RO60: variants seen among roughly 807,000 people sequenced by gnomAD.
The protein encoded by RO60 is RNA-binding protein RO60.
Under a neutral mutation model 55.3 loss-of-function variants are expected in RO60, and 20 were observed. The ratio of observed to expected loss-of-function variants is 0.36; its 90% CI spans 0.25 to 0.53. The LOEUF (loss-of-function observed/expected upper bound fraction) is 0.53, where lower values mean the gene tolerates loss of function less well. Ranked by LOEUF, RO60 falls within the 20% of genes least tolerant of loss-of-function variation. The probability of loss-of-function intolerance (pLI) is 0.92; values close to 1 mark genes in which losing one functional copy is unlikely to be tolerated. For missense variants in RO60, 558 were observed against 646.6 expected (o/e 0.86, Z 1.49); for synonymous variants, 213 against 213.6 (o/e 1.00, Z 0.02).
Position 193,065,414 on chromosome 1 carries a change from T to A in RO60, c.-21-3620T>A, listed in dbSNP as rs999503640. On this transcript the variant is annotated intron_variant, in intron 1 of 8. Coordinates refer to ENST00000400968, the MANE Select transcript of RO60 (RefSeq NM_001173524.2). ...CCTTGGTGCAGGAAAGCAAGTTTAG[T>A]AGAATTATCTGATATTAGATGTCAT... Among the ~76,000 whole-genome samples the A allele has an allele frequency of 3.9e-5, 6 of 152,214 alleles. No homozygotes were observed. The East Asian group carries it at 1.2e-3, about 29-fold the overall frequency.
chr1:193,091,517 C>A (rs2103093970), downstream of RO60: 1 of 736,634 alleles, frequency 1.4e-6, no homozygotes, highest in South Asian at 1.7e-5. Flanking sequence ...CAAGTTTTCA[C>A]TGTAAATAAT....
downstream of RO60, chr1:193,091,602 G>C (rs746178412): frequency 1.3e-6 from 2 of 1,484,936 alleles, no homozygotes; most frequent in East Asian, 4.6e-5. Context: ...TTTGTTTCAT[G>C]ATAAAACAGT....
chr1:193,071,178 A>C (rs1558240378), intron 2 of RO60, among the ~76,000 whole-genome samples: 1 of 152,110 alleles, frequency 6.6e-6, no homozygotes, highest in Non-Finnish European at 1.5e-5. Context: ...ATGCCCAGCT[A>C]CTGATCTGAC....
chr1:193,061,259 G>A (rs575642296), intron 1 of RO60, among the ~76,000 whole-genome samples: 4 of 152,146 alleles, frequency 2.6e-5, no homozygotes, highest in Non-Finnish European at 4.4e-5. Context: ...AGTTTTTATA[G>A]CATCACATTG....
chr1:193,060,753 T>C (rs561222703), intron 1 of RO60, among the ~76,000 whole-genome samples: 122 of 152,330 alleles, frequency 8.0e-4, no homozygotes, highest in African/African-American at 2.9e-3. Flanking sequence ...TTTGTAACTT[T>C]CTTGAAGTTT....
chr1:193,079,086 T>C (rs1040979199), intron 5 of RO60, among the ~76,000 whole-genome samples: 7 of 144,252 alleles, frequency 4.9e-5, no homozygotes, highest in African/African-American at 1.8e-4. Flanking sequence ...GTTGACTTTT[T>C]TTTTTTTTTT....
intron 1 of RO60, among the ~76,000 whole-genome samples, chr1:193,063,116 T>C (rs1239710344): frequency 6.6e-6 from 1 of 152,256 alleles, no homozygotes; most frequent in African/African-American, 2.4e-5. Context: ...TTTTCCAAAG[T>C]GGCTGTATGA....
At chr1:193,069,004 A>G in intron 1 of RO60, 30 bp from the exon 2 acceptor site, 1 of 1,429,110 alleles carries the variant, frequency 7.0e-7, no homozygotes, top group South Asian at 1.3e-5. Context: ...GTGCCCATCT[A>G]GTTGTAATAA....
intron 1 of RO60, chr1:193,060,200 G>A: frequency 1.1e-6 from 1 of 924,276 alleles, no homozygotes; most frequent in Non-Finnish European, 1.4e-6. Flanking sequence ...TATCACAGAG[G>A]AATAACGAGG....
intron 2 of RO60, among the ~76,000 whole-genome samples, 183 bp from the exon 3 acceptor site, chr1:193,075,637 A>C (rs546209387): frequency 1.3e-5 from 2 of 152,280 alleles, no homozygotes; most frequent in African/African-American, 4.8e-5. Context: ...GTAATGATGG[A>C]ATAAGAAAAT....
intron 3 of RO60, among the ~76,000 whole-genome samples, chr1:193,076,273 AT>A (rs1056084908): frequency 2.6e-5 from 4 of 152,130 alleles, no homozygotes; most frequent in Non-Finnish European, 4.4e-5. Context: ...TAAAAAAAAA[AT>A]CATCTATGCA....
intron 1 of RO60, chr1:193,060,250 G>A (rs1366926018): frequency 4.3e-6 from 2 of 463,290 alleles, no homozygotes; most frequent in Non-Finnish European, 7.0e-6. Context: ...CTAGACTAGT[G>A]GAAGGGGATG....
chr1:193,085,225 AAACT>A lies in RO60; in HGVS notation c.*497_*500del, dbSNP rs1381118615. 2 of 1,176,540 alleles carry A rather than the reference AAACT, an allele frequency of 1.7e-6. No individual in the cohort carries two copies. The highest frequency in any genetic ancestry group is 3.1e-5 in the African/African-American group (2 of 63,728). The allele number at this position is 1,176,540 out of a possible 1,614,324, so 72.9% of individuals were successfully genotyped here. ...TTTTATACCAAGGGGGTAAAAAAAA[AAACT>A]AAGGCATTTGATTAAATTATGAATG... is the stretch of plus-strand genomic sequence containing the variant. On this transcript the variant is annotated 3_prime_UTR_variant, in exon 9 of 9. Coordinates refer to ENST00000400968, the MANE Select transcript of RO60 (RefSeq NM_001173524.2).
chr1:193,082,793 C>CT, intron 8 of RO60, 85 bp downstream of exon 8: 1 of 1,183,468 alleles, frequency 8.4e-7, no homozygotes, highest in Non-Finnish European at 1.2e-6. Context: ...GAGACAGGAC[C>CT]TCATTCTGTT....
chr1:193,080,469 G>A (rs1674232337), intron 5 of RO60, among the ~76,000 whole-genome samples: 1 of 152,206 alleles, frequency 6.6e-6, no homozygotes, highest in Non-Finnish European at 1.5e-5. Context: ...TATACCAGTA[G>A]TCACAGTAGC....
intron 2 of RO60, among the ~76,000 whole-genome samples, chr1:193,070,398 G>C (rs568063528): frequency 2.0e-5 from 3 of 152,328 alleles, no homozygotes; most frequent in Admixed American, 2.0e-4. Flanking sequence ...TCTATGGAAA[G>C]AGACTTTTGA....
At chr1:193,060,252 A>T in intron 1 of RO60, 1 of 459,738 alleles carries the variant, frequency 2.2e-6, no homozygotes, top group South Asian at 2.3e-5. Flanking sequence ...AGACTAGTGG[A>T]AGGGGATGCG....
chr1:193,083,526 T>G (rs1674460876), intron 8 of RO60, among the ~76,000 whole-genome samples: 1 of 152,126 alleles, frequency 6.6e-6, no homozygotes, highest in Non-Finnish European at 1.5e-5. Context: ...TGACTAGAAG[T>G]AGAAATAGAA....
At chr1:193,075,446 T>C (rs992839640) in intron 2 of RO60, among the ~76,000 whole-genome samples, 2 of 151,622 alleles carry the variant, frequency 1.3e-5, no homozygotes, top group Non-Finnish European at 2.9e-5. Flanking sequence ...TAATATAATA[T>C]AATACATTAC....
Sources: allele counts gnomAD v4.1 joint callset (sites outside exome capture counted in the v4.1 genomes callset), GRCh38; gene constraint gnomAD v4.1.1; transcripts MANE v1.5; gene names NCBI Gene and HGNC (gene_info 2026-07-23, HGNC 2026-07-21).